SND1: variants seen among roughly 807,000 people sequenced by gnomAD.
SND1 encodes staphylococcal nuclease domain-containing protein 1.
SND1 carries 38 observed loss-of-function variants against 121.7 expected under a neutral mutation model. That is an observed-to-expected ratio of 0.31 (90% CI 0.24 to 0.41). The LOEUF is 0.41. Ranked by LOEUF, SND1 falls within the 10% of genes least tolerant of loss-of-function variation. The pLI, the probability that SND1 is intolerant of heterozygous loss-of-function variation, is 1.00. For missense variants in SND1, 868 were observed against 1,184.6 expected (o/e 0.73, Z 3.92); for synonymous variants, 401 against 447.4 (o/e 0.90, Z 1.31).
At chr7:127,808,774 C>T (rs1346063620) in intron 11 of SND1, among the ~76,000 whole-genome samples, 1 of 152,212 alleles carries the variant, frequency 6.6e-6, no homozygotes, top group Non-Finnish European at 1.5e-5. Flanking sequence ...AAGCTTCTTT[C>T]AATTTCTAGA....
chr7:127,988,719 C>T (rs946022461), intron 15 of SND1, among the ~76,000 whole-genome samples: 8 of 152,066 alleles, frequency 5.3e-5, no homozygotes, highest in Non-Finnish European at 8.8e-5. Context: ...TCTTTTATGC[C>T]CTCATAGTGA....
chr7:127,942,030 G>A (rs373167054), intron 15 of SND1, among the ~76,000 whole-genome samples: 7 of 151,168 alleles, frequency 4.6e-5, no homozygotes, highest in South Asian at 2.1e-4. Flanking sequence ...TCCCTTTCAC[G>A]TGGTGCTCCT....
At chr7:127,697,424 T>A (rs985696897) in intron 3 of SND1, among the ~76,000 whole-genome samples, 2 of 152,250 alleles carry the variant, frequency 1.3e-5, no homozygotes, top group Non-Finnish European at 2.9e-5. Flanking sequence ...GTGCTGTTGA[T>A]CAGCCCATTT....
chr7:127,910,104 T>C (rs559500638), intron 14 of SND1, among the ~76,000 whole-genome samples: 1 of 152,252 alleles, frequency 6.6e-6, no homozygotes, highest in East Asian at 1.9e-4. Flanking sequence ...TAGGCCTTGA[T>C]GGAAGCATAA....
chr7:127,953,484 A>G (rs1217540714), intron 15 of SND1, among the ~76,000 whole-genome samples: 1 of 151,926 alleles, frequency 6.6e-6, no homozygotes, highest in East Asian at 1.9e-4. Flanking sequence ...CTCTAATAGG[A>G]AAGGAGGGCA....
chr7:127,966,129 TATTTG>T (rs1289487506), intron 15 of SND1, among the ~76,000 whole-genome samples: 1 of 150,206 alleles, frequency 6.7e-6, no homozygotes, highest in African/African-American at 2.5e-5. Flanking sequence ...TTATTGTGTC[TATTTG>T]ATTCTTCTCT....
At chr7:127,766,367 A>G (rs879888733) in intron 10 of SND1, among the ~76,000 whole-genome samples, 10 of 152,258 alleles carry the variant, frequency 6.6e-5, no homozygotes, top group Non-Finnish European at 8.8e-5. Flanking sequence ...GGCACTTGCC[A>G]TAGATCTGCT....
chr7:127,663,275 T>C (rs1317212182), intron 1 of SND1, among the ~76,000 whole-genome samples: 1 of 152,196 alleles, frequency 6.6e-6, no homozygotes, highest in Non-Finnish European at 1.5e-5. Context: ...TTTATTGTTT[T>C]AAAATTTTTT....
At chr7:127,955,396 C>T (rs1369310348) in intron 15 of SND1, among the ~76,000 whole-genome samples, 1 of 152,054 alleles carries the variant, frequency 6.6e-6, no homozygotes, top group Non-Finnish European at 1.5e-5. Context: ...CATGGAGAAC[C>T]GCACCTTATC....
intron 2 of SND1, among the ~76,000 whole-genome samples, chr7:127,691,042 C>T (rs1221765528): frequency 6.6e-6 from 1 of 152,222 alleles, no homozygotes; most frequent in African/African-American, 2.4e-5. Flanking sequence ...AGCTTAGATA[C>T]TGCATTGATG....
rs575364650 is a variant in SND1, at chr7:128,085,756, T to C, written c.2280T>C (p.His760=). Residue 760 remains histidine (H), a synonymous_variant, in exon 20 of 24, where the codon CAT becomes CAC. Coordinates refer to ENST00000354725, the MANE Select transcript of SND1 (RefSeq NM_014390.4). The surrounding 1 kb of genome is among the most constrained non-coding windows in gnomAD (Gnocchi z 4.4). ...AAGTCGAGTCTCCTGCCAAAATACA[T>C]GTCTTCTACATTGACTACGGCAACG... is the stretch of plus-strand genomic sequence containing the variant. ...VEKVESPAKI[H]VFYIDYGNRE... is the part of the protein sequence containing the mutation. The C allele has an allele frequency of 7.1e-5, 115 of 1,614,062 alleles. 1 individual carries two copies. The South Asian group carries it at 1.1e-3, about 15-fold the overall frequency.
intron 1 of SND1, among the ~76,000 whole-genome samples, chr7:127,660,108 G>A (rs544198753): frequency 1.3e-5 from 2 of 151,540 alleles, no homozygotes; most frequent in East Asian, 1.9e-4. Context: ...GAGACTAAAT[G>A]ATTGAATGGT....
At chr7:128,039,605 ATGGAGG>A (rs1359791899) in intron 16 of SND1, among the ~76,000 whole-genome samples, 1 of 152,140 alleles carries the variant, frequency 6.6e-6, no homozygotes, top group Non-Finnish European at 1.5e-5. Flanking sequence ...GGAGAGTTTT[ATGGAGG>A]TATCATAAAG....
At chr7:127,999,354 T>C (rs896678555) in intron 16 of SND1, 3 of 150,834 alleles carry the variant, frequency 2.0e-5, no homozygotes, top group Non-Finnish European at 4.4e-5. Context: ...ATGTTTTCTC[T>C]GTCAGATCAA....
chr7:127,874,330 A>C (rs1799651299), intron 12 of SND1, among the ~76,000 whole-genome samples: 2 of 152,206 alleles, frequency 1.3e-5, no homozygotes, highest in African/African-American at 4.8e-5. Flanking sequence ...ATTGTTTAAC[A>C]TGTGAAAGTT....
intron 15 of SND1, among the ~76,000 whole-genome samples, chr7:127,979,272 G>A (rs1000945128): frequency 3.3e-5 from 5 of 152,166 alleles, no homozygotes; most frequent in African/African-American, 7.2e-5. Flanking sequence ...AACAGCACTC[G>A]AACATAAATT....
chr7:127,768,589 C>G (rs1001275975), intron 10 of SND1, among the ~76,000 whole-genome samples: 1 of 152,154 alleles, frequency 6.6e-6, no homozygotes, highest in Non-Finnish European at 1.5e-5. Context: ...GTGTGAACAT[C>G]CCTGTGGTTG....
intron 15 of SND1, among the ~76,000 whole-genome samples, chr7:127,961,713 A>C (rs569014150): frequency 2.0e-5 from 3 of 152,352 alleles, no homozygotes; most frequent in Admixed American, 6.5e-5. Flanking sequence ...AGATTGCCTG[A>C]GTTGGAACAA....
At chr7:127,792,514 A>G (rs752891256) in intron 10 of SND1, among the ~76,000 whole-genome samples, 1 of 152,210 alleles carries the variant, frequency 6.6e-6, no homozygotes, top group African/African-American at 2.4e-5. Flanking sequence ...AGGTGAAGAA[A>G]AGAACCCTAA....
Sources: allele counts gnomAD v4.1 joint callset (sites outside exome capture counted in the v4.1 genomes callset), GRCh38; gene constraint gnomAD v4.1.1; non-coding constraint Gnocchi (gnomAD v3.1); transcripts MANE v1.5; gene names NCBI Gene and HGNC (gene_info 2026-07-23, HGNC 2026-07-21).